GLG1: variants seen among roughly 807,000 people sequenced by gnomAD.
GLG1 encodes the protein golgi glycoprotein 1.
A neutral mutation model predicts 160.5 loss-of-function variants in GLG1; 38 were observed. The ratio of observed to expected loss-of-function variants is 0.24; its 90% CI spans 0.18 to 0.31. The LOEUF is 0.31. GLG1 is among the 10% of genes least tolerant of loss of function. GLG1 has a pLI of 1.00. For synonymous variants in GLG1, 644 were observed against 543.4 expected, an observed-to-expected ratio of 1.19 and a Z score of -2.57; for missense variants, 1,373 against 1,505.2, an observed-to-expected ratio of 0.91 and a Z score of 1.45.
intron 2 of GLG1, among the ~76,000 whole-genome samples, chr16:74,521,406 A>C (rs1597303053): frequency 6.6e-6 from 1 of 152,308 alleles, no homozygotes; most frequent in East Asian, 1.9e-4. Context: ...GAAGTCCCGG[A>C]GAGACATGAT....
intron 1 of GLG1, among the ~76,000 whole-genome samples, chr16:74,600,396 GA>G (rs1419799791): frequency 4.0e-5 from 6 of 150,746 alleles, no homozygotes; most frequent in African/African-American, 1.5e-4. Context: ...GACTTTCAAA[GA>G]AAAAAAAGAA....
intron 1 of GLG1, among the ~76,000 whole-genome samples, chr16:74,603,524 C>T (rs1021561511): frequency 1.3e-5 from 2 of 152,044 alleles, no homozygotes; most frequent in Non-Finnish European, 2.9e-5. Flanking sequence ...AATCCTCCTG[C>T]CTCAGCCTCC....
intron 7 of GLG1, 125 bp downstream of exon 7, chr16:74,492,832 A>G (rs1433070385): frequency 1.9e-5 from 10 of 522,216 alleles, no homozygotes; most frequent in East Asian, 1.0e-4. Context: ...AGAAAAAAAA[A>G]AAAAAAAGAA....
intron 9 of GLG1, among the ~76,000 whole-genome samples, chr16:74,484,328 T>A (rs2015715220): frequency 6.6e-6 from 1 of 151,806 alleles, no homozygotes; most frequent in Non-Finnish European, 1.5e-5. Context: ...AACTGTTTTT[T>A]TTTGTTTTTG....
chr16:74,517,452 A>C (rs1166492238), intron 2 of GLG1, among the ~76,000 whole-genome samples: 1 of 152,218 alleles, frequency 6.6e-6, no homozygotes, highest in Non-Finnish European at 1.5e-5. Context: ...TAAAAACCAC[A>C]TGATTATCAC....
At chr16:74,561,133 C>T (rs2018502277) in intron 1 of GLG1, among the ~76,000 whole-genome samples, 1 of 152,000 alleles carries the variant, frequency 6.6e-6, no homozygotes, top group Non-Finnish European at 1.5e-5. Flanking sequence ...AGCCAGGATC[C>T]TGCAGCAGCC....
intron 13 of GLG1, chr16:74,473,041 C>G (rs1013628027): frequency 6.4e-6 from 1 of 155,224 alleles, no homozygotes; most frequent in Non-Finnish European, 1.4e-5. Context: ...GGTTGAGAAA[C>G]GTAATTTTAC....
chr16:74,574,888 A>C (rs1433904533), intron 1 of GLG1, among the ~76,000 whole-genome samples: 1 of 81,122 alleles, frequency 1.2e-5, no homozygotes, highest in Non-Finnish European at 2.7e-5. Context: ...TGTCTCAAAA[A>C]AAAAAAAAAA....
At chr16:74,551,078 C>T (rs1465792676) in intron 1 of GLG1, among the ~76,000 whole-genome samples, 1 of 152,170 alleles carries the variant, frequency 6.6e-6, no homozygotes, top group African/African-American at 2.4e-5. Flanking sequence ...TTCAAGAATT[C>T]TAATAACAAT....
At chr16:74,574,067 GCACACATA>G (rs955302254) in intron 1 of GLG1, among the ~76,000 whole-genome samples, 4 of 152,104 alleles carry the variant, frequency 2.6e-5, no homozygotes, top group African/African-American at 7.2e-5. Flanking sequence ...GTGTGCACGC[GCACACATA>G]CACACATACA....
intron 1 of GLG1, among the ~76,000 whole-genome samples, chr16:74,581,082 C>A (rs947369351): frequency 6.6e-6 from 1 of 152,254 alleles, no homozygotes; most frequent in Middle Eastern, 3.4e-3. Context: ...AAACAGTATG[C>A]CCTAACCTCA....
In GLG1 at chr16:74,448,469, G is replaced by A. The variant is rs113118782; in HGVS notation, c.*4698C>T. On this transcript the variant is annotated 3_prime_UTR_variant, in exon 26 of 26. Coordinates refer to ENST00000422840, the MANE Select transcript of GLG1 (RefSeq NM_001145667.2). ...CCTTTCAGGTTTTTCAAACTCACAA[G>A]ATGTTGAAATACAAGTAAATATACC... 1 of 152,334 alleles carries A rather than the reference G, an allele frequency of 6.6e-6. No homozygotes were observed. The highest frequency in any genetic ancestry group is 3.4e-3 in the Middle Eastern group (1 of 294). 9.4% of individuals were successfully genotyped at this position (152,334 alleles called of 1,614,324 possible).
chr16:74,476,570 T>G (rs765093456), intron 12 of GLG1, among the ~76,000 whole-genome samples: 38 of 152,218 alleles, frequency 2.5e-4, no homozygotes, highest in Admixed American at 2.0e-3. Context: ...TCCTTATTTA[T>G]GTGGCTTTAA....
intron 1 of GLG1, among the ~76,000 whole-genome samples, chr16:74,596,318 C>G (rs62051923): frequency 6.6e-6 from 1 of 152,042 alleles, no homozygotes; most frequent in South Asian, 2.1e-4. Context: ...CACCTGAGGT[C>G]AGCAGTTCGA....
At chr16:74,519,481 A>G (rs983017968) in intron 2 of GLG1, among the ~76,000 whole-genome samples, 1 of 152,112 alleles carries the variant, frequency 6.6e-6, no homozygotes, top group African/African-American at 2.4e-5. Flanking sequence ...CTTAAAGTAT[A>G]ATAATTAAAA....
At chr16:74,593,816 T>C (rs2143875272) in intron 1 of GLG1, among the ~76,000 whole-genome samples, 1 of 152,332 alleles carries the variant, frequency 6.6e-6, no homozygotes, top group Middle Eastern at 3.4e-3. Flanking sequence ...GAACTTACAT[T>C]CCTATTCTCC....
rs1597391021 is a variant in GLG1, at chr16:74,603,394, A to C, written c.438+3263T>G. Among the ~76,000 whole-genome samples, 3 of 141,896 alleles carry C rather than the reference A, an allele frequency of 2.1e-5. No individual in the cohort carries two copies. The South Asian group carries it at 7.3e-4, about 34-fold the overall frequency. 93.1% of individuals were successfully genotyped at this position (141,896 alleles called of 152,430 possible). A position where few individuals can be genotyped will look rare whatever the true frequency, so the allele number is the denominator to read the frequency against. ...CACTGCACTCCAGCCTGGCAACAGAATAAGACTCCGTCTCAAAAAAAAAAA... is the reference window on the plus strand; with the variant it reads ...CACTGCACTCCAGCCTGGCAACAGACTAAGACTCCGTCTCAAAAAAAAAAA... On this transcript the variant is annotated intron_variant, in intron 1 of 25. Transcript: ENST00000422840.
Position 74,493,126 on chromosome 16 carries a change from A to C in GLG1, c.1065T>G (p.Leu355=). 6.2e-7 allele frequency: 1 copy of C among 1,611,614 alleles called. No individual in the cohort carries two copies. ...GGGCAATCAGCTTTTGGCGGGTTGT[A>C]AGTGCTTCTCGACACTGAGGAAAGA... ...ESMSEKCREA[L]TTRQKLIAQD... is the part of the protein sequence containing the mutation. Residue 355 remains leucine (L), a synonymous_variant, in exon 7 of 26, where the codon CTT becomes CTG. Coordinates refer to ENST00000422840, the MANE Select transcript of GLG1 (RefSeq NM_001145667.2).
intron 1 of GLG1, among the ~76,000 whole-genome samples, chr16:74,579,993 G>T (rs1957902533): frequency 6.6e-6 from 1 of 152,092 alleles, no homozygotes; most frequent in Admixed American, 6.5e-5. Context: ...AACCTGGGAG[G>T]CAGAGGTTGC....
Sources: gnomAD v4.1 joint callset for allele counts (sites outside exome capture counted in the v4.1 genomes callset) on GRCh38, gnomAD v4.1.1 for gene constraint, MANE v1.5 for transcripts, NCBI Gene and HGNC (gene_info 2026-07-23, HGNC 2026-07-21) for gene names.